The following IQCJ variants were observed in gnomAD, a reference collection of about 807,000 sequenced individuals.
IQCJ encodes IQ domain-containing protein J.
IQCJ carries 9 observed loss-of-function variants against 11.0 expected under a neutral mutation model. The observed-to-expected ratio is 0.82, with a 90% CI of 0.49 to 1.43. The LOEUF (loss-of-function observed/expected upper bound fraction) is 1.43, where lower values mean the gene tolerates loss of function less well. IQCJ is among the 40% of genes most tolerant of loss of function. The pLI, the probability that IQCJ is intolerant of heterozygous loss-of-function variation, is 0.00. For missense variants in IQCJ, 146 were observed against 133.2 expected (o/e 1.10, Z -0.47); for synonymous variants, 55 against 51.3 (o/e 1.07, Z -0.31).
chr3:159,143,119 A>G (rs1178827048), intron 1 of IQCJ, among the ~76,000 whole-genome samples: 3 of 152,226 alleles, frequency 2.0e-5, no homozygotes, highest in South Asian at 2.1e-4. Flanking sequence ...AAGAAAATTC[A>G]TGTTTTTGGA....
chr3:159,119,986 A>G (rs527495526), intron 1 of IQCJ, among the ~76,000 whole-genome samples: 4 of 152,234 alleles, frequency 2.6e-5, no homozygotes, highest in Non-Finnish European at 5.9e-5. Context: ...TTAGAATTGT[A>G]TATTTCATTA....
chr3:159,239,444 T>C (rs902665335), intron 1 of IQCJ, among the ~76,000 whole-genome samples: 14 of 152,044 alleles, frequency 9.2e-5, no homozygotes, highest in Non-Finnish European at 1.8e-4. Flanking sequence ...CTTTTCTTTA[T>C]GCCCCCTAAG....
At chr3:159,154,360 T>C (rs1432213174) in intron 1 of IQCJ, among the ~76,000 whole-genome samples, 1 of 152,232 alleles carries the variant, frequency 6.6e-6, no homozygotes, top group Non-Finnish European at 1.5e-5. Flanking sequence ...TGATTTATCA[T>C]CAAGAGATGA....
intron 1 of IQCJ, among the ~76,000 whole-genome samples, chr3:159,213,314 T>TGA (rs1725052018): frequency 6.6e-6 from 1 of 152,168 alleles, no homozygotes; most frequent in African/African-American, 2.4e-5. Flanking sequence ...CACTTTTGTC[T>TGA]CCACGGGTGC....
chr3:159,129,025 A>G (rs1473109459), intron 1 of IQCJ, among the ~76,000 whole-genome samples: 1 of 152,050 alleles, frequency 6.6e-6, no homozygotes, highest in Non-Finnish European at 1.5e-5. Context: ...ACGCATACCA[A>G]CTCATCACAC....
rs150597191 is a variant in IQCJ, at chr3:159,228,362, A to G, written c.10-17481A>G. Among the ~76,000 whole-genome samples, 13 of 152,332 alleles carry G rather than the reference A, an allele frequency of 8.5e-5. No individual in the cohort carries two copies. In the East Asian group the frequency reaches 1.9e-3, roughly 23 times the overall value. On this transcript the variant is annotated intron_variant, in intron 1 of 3. Coordinates refer to ENST00000397832, the MANE Select transcript of IQCJ (RefSeq NM_001042706.3). The stretch of plus-strand genomic sequence containing the variant: ...TAGAATAAAATACCTCTCCTTATCA[A>G]TGTTGTTCGCCTACTTGTTATGAAG...
intron 1 of IQCJ, among the ~76,000 whole-genome samples, chr3:159,135,506 T>G (rs1176610679): frequency 1.3e-5 from 2 of 152,190 alleles, no homozygotes; most frequent in African/African-American, 4.8e-5. Context: ...ATGTTCCTGG[T>G]CAGGCAACTC....
intron 1 of IQCJ, among the ~76,000 whole-genome samples, chr3:159,148,403 T>C (rs549285984): frequency 6.6e-6 from 1 of 152,374 alleles, no homozygotes; most frequent in Non-Finnish European, 1.5e-5. Flanking sequence ...TTCATTGGCA[T>C]GAGTAGTAAG....
rs34153369 is a variant in IQCJ at position 159,245,458 on chromosome 3, C to CTTTTTTTT, written c.10-371_10-364dup. On this transcript the variant is annotated intron_variant, in intron 1 of 3. Coordinates refer to ENST00000397832, the MANE Select transcript of IQCJ (RefSeq NM_001042706.3). ...CTTAACCATCACAAAGTCCTGAATT[C>CTTTTTTTT]TTTTTTTTTTTTTTTTTTTTTGAGA... Among the ~76,000 whole-genome samples, 10 of 113,056 alleles carry CTTTTTTTT rather than the reference C, an allele frequency of 8.8e-5. 1 individual carries two copies. Among genetic ancestry groups the CTTTTTTTT allele is most frequent in the Non-Finnish European group, 1.1e-4 (6 of 55,924 alleles). 74.2% of individuals were successfully genotyped at this position (113,056 alleles called of 152,430 possible).
chr3:159,216,845 G>C (rs1367797864), intron 1 of IQCJ, among the ~76,000 whole-genome samples: 1 of 152,054 alleles, frequency 6.6e-6, no homozygotes, highest in Non-Finnish European at 1.5e-5. Context: ...TAAAACAATA[G>C]AAGTCAATAA....
chr3:159,081,340 C>G (rs1716296531), intron 1 of IQCJ, among the ~76,000 whole-genome samples: 1 of 152,072 alleles, frequency 6.6e-6, no homozygotes, highest in Non-Finnish European at 1.5e-5. Context: ...CTTCCTAAAC[C>G]AAACATTGGC....
chr3:159,262,556 G>T lies in IQCJ; in HGVS notation c.164G>T (p.Arg55Leu), dbSNP rs1186246085. The change falls in exon 4 of 4, where the codon CGA becomes CTA. Residue 55 changes from arginine (R) to leucine (L), a missense_variant. Physicochemically the swap from Arg to Leu is moderately radical, Grantham distance 102. Transcript: ENST00000397832. ...PLESKVKIIQ[R>L]AWREYLQRQE... ...TTGTTTTGTTTTTTCAGCATTCAGC[G>T]AGCATGGCGAGAGTACCTGCAGCGG... 6.2e-7 allele frequency: 1 copy of T among 1,612,930 alleles called. No homozygotes were observed. The highest frequency in any genetic ancestry group is 2.2e-5 in the East Asian group (1 of 44,866).
chr3:159,101,018 G>A (rs1177130273), intron 1 of IQCJ, among the ~76,000 whole-genome samples: 2 of 20,116 alleles, frequency 9.9e-5, no homozygotes, highest in East Asian at 1.5e-3. Flanking sequence ...AGCAATCAGC[G>A]AGATTCCGTG....
chr3:159,246,428 A>AATATAATATAATATAAAT (rs1265956409), intron 2 of IQCJ, among the ~76,000 whole-genome samples: 1 of 152,252 alleles, frequency 6.6e-6, no homozygotes, highest in African/African-American at 2.4e-5. Flanking sequence ...CTTTTGATAT[A>AATATAATATAATATAAAT]GGCATTATTA....
At chr3:159,122,292 CA>C (rs1020507121) in intron 1 of IQCJ, among the ~76,000 whole-genome samples, 12 of 152,028 alleles carry the variant, frequency 7.9e-5, no homozygotes, top group Admixed American at 6.6e-5. Flanking sequence ...AGTGGGGGGA[CA>C]AAAATATTCA....
At chr3:159,143,608 T>C (rs1305675606) in intron 1 of IQCJ, among the ~76,000 whole-genome samples, 2 of 152,140 alleles carry the variant, frequency 1.3e-5, no homozygotes, top group African/African-American at 4.8e-5. Context: ...AAGTTAAACA[T>C]TAGTTTCCTG....
chr3:159,264,958 T>C (rs956818736), downstream of IQCJ, among the ~76,000 whole-genome samples: 3 of 151,552 alleles, frequency 2.0e-5, no homozygotes, highest in African/African-American at 7.3e-5. Flanking sequence ...AAGAATTAGC[T>C]GTCAGAAAGC....
Position 159,263,173 on chromosome 3 carries a change from T to G in IQCJ, c.*442T>G. 1.5e-6 allele frequency: 1 copy of G among 648,386 alleles called. No homozygotes were observed. The allele number at this position is 648,386 out of a possible 1,614,324, so 40.2% of individuals were successfully genotyped here. On this transcript the variant is annotated 3_prime_UTR_variant, in exon 4 of 4. Coordinates refer to ENST00000397832, the MANE Select transcript of IQCJ (RefSeq NM_001042706.3). Reference sequence around the variant, plus strand: ...GACTGAGGTGGCTGAGCTGTGCCCCTGGCTACACGGAGAACATAGACCTCA... The same window carrying G: ...GACTGAGGTGGCTGAGCTGTGCCCCGGGCTACACGGAGAACATAGACCTCA...
intron 1 of IQCJ, among the ~76,000 whole-genome samples, chr3:159,148,898 T>C (rs928123600): frequency 6.6e-6 from 1 of 152,190 alleles, no homozygotes; most frequent in African/African-American, 2.4e-5. Context: ...CTGACACATT[T>C]TGGCAACAAT....
Sources: allele counts gnomAD v4.1 joint callset (sites outside exome capture counted in the v4.1 genomes callset), GRCh38; gene constraint gnomAD v4.1.1; transcripts MANE v1.5; gene names NCBI Gene and HGNC (gene_info 2026-07-23, HGNC 2026-07-21).